The following HMCN1 variants were observed in gnomAD, a reference collection of about 807,000 sequenced individuals.
The protein encoded by HMCN1 is hemicentin 1.
In HMCN1, 321 loss-of-function variants were observed where a neutral mutation model predicts 625.9. The observed-to-expected ratio is 0.51, with a 90% CI of 0.47 to 0.56. The LOEUF (loss-of-function observed/expected upper bound fraction) is 0.56, where lower values mean the gene tolerates loss of function less well. HMCN1 is among the 20% of genes least tolerant of loss of function. The pLI, the probability that HMCN1 is intolerant of heterozygous loss-of-function variation, is 0.00. For missense variants in HMCN1, 6,588 were observed against 6,887.3 expected, an observed-to-expected ratio of 0.96 and a Z score of 1.54; for synonymous variants, 2,425 against 2,417.6, an observed-to-expected ratio of 1.00 and a Z score of -0.09.
chr1:185,986,826 C>CAA lies in HMCN1; in HGVS notation c.2936-589_2936-588dup, dbSNP rs1239432106. 1.3e-3 allele frequency among the ~76,000 whole-genome samples: 80 copies of CAA among 60,254 alleles called. 1 individual carries two copies. Among genetic ancestry groups the CAA allele is most frequent in the African/African-American group, 3.5e-3 (75 of 21,334 alleles). 39.5% of individuals were successfully genotyped at this position (60,254 alleles called of 152,430 possible). ...TGGGTAACACAGCAAGACCCTGTCTCAAAAAAAAAAAAAAAAAATTAATTA... is the reference window on the plus strand; with the variant it reads ...TGGGTAACACAGCAAGACCCTGTCTCAAAAAAAAAAAAAAAAAAAATTAATTA... On this transcript the variant is annotated intron_variant, in intron 19 of 106. Coordinates refer to ENST00000271588, the MANE Select transcript of HMCN1 (RefSeq NM_031935.3).
intron 6 of HMCN1, 38 bp from the exon 7 acceptor site, chr1:185,922,341 A>G: frequency 6.2e-7 from 1 of 1,611,636 alleles, no homozygotes; most frequent in Non-Finnish European, 8.5e-7. Flanking sequence ...AGCATACTGG[A>G]TCAACTGCTG....
At position 186,018,209 on chromosome 1, in the gene HMCN1, A is replaced by G. The variant is rs376847972; in HGVS notation, c.5327A>G (p.Asp1776Gly). Residue 1776 changes from aspartate (D) to glycine (G), a missense_variant, in exon 34 of 107, where the codon GAT becomes GGT. This residue lies in a region of HMCN1 where 4,628 missense variants were observed against 4,853.1 expected (regional missense o/e 0.95). Transcript: ENST00000271588. The part of the protein sequence containing the change: ...IMWLKDGQLI[D>G]ERDGFKILLN... Reference sequence around the variant, plus strand: ...TGGCTGAAGGATGGCCAGTTAATTGATGAAAGGGATGGATTCAAGATTTTA... The same window carrying G: ...TGGCTGAAGGATGGCCAGTTAATTGGTGAAAGGGATGGATTCAAGATTTTA... 49 of 1,612,670 alleles carry G rather than the reference A, an allele frequency of 3.0e-5. No individual in the cohort carries two copies. The highest frequency in any genetic ancestry group is 4.5e-5 in the East Asian group (2 of 44,846).
At chr1:185,807,473 A>G (rs1345152458) in intron 1 of HMCN1, among the ~76,000 whole-genome samples, 1 of 152,234 alleles carries the variant, frequency 6.6e-6, no homozygotes, top group Non-Finnish European at 1.5e-5. Context: ...ATACATATTC[A>G]CATATGGTTA....
At chr1:186,063,525 CTTCAA>C (rs1054010690) in intron 48 of HMCN1, among the ~76,000 whole-genome samples, 15 of 151,052 alleles carry the variant, frequency 9.9e-5, no homozygotes, top group Admixed American at 7.9e-4. Context: ...GAGTCTTTTC[CTTCAA>C]TTCAATAAAT....
At chr1:185,777,725 A>G (rs1656720236) in intron 1 of HMCN1, among the ~76,000 whole-genome samples, 1 of 152,174 alleles carries the variant, frequency 6.6e-6, no homozygotes, top group South Asian at 2.1e-4. Context: ...GATTACAGGC[A>G]TGAGCCACTG....
intron 1 of HMCN1, among the ~76,000 whole-genome samples, chr1:185,780,269 A>G (rs1203606302): frequency 2.6e-5 from 4 of 152,248 alleles, no homozygotes; most frequent in Admixed American, 6.5e-5. Context: ...GGGTTTTCTA[A>G]ATATACAATC....
At chr1:185,796,291 T>A (rs1247572603) in intron 1 of HMCN1, among the ~76,000 whole-genome samples, 3 of 152,054 alleles carry the variant, frequency 2.0e-5, no homozygotes, top group South Asian at 2.1e-4. Context: ...TGACAGGAGG[T>A]AATGCTGCTC....
At chr1:185,893,066 C>T (rs1037068555) in intron 4 of HMCN1, among the ~76,000 whole-genome samples, 4 of 152,184 alleles carry the variant, frequency 2.6e-5, no homozygotes, top group African/African-American at 7.2e-5. Context: ...GCAAGTGACC[C>T]GATTTTCCAG....
At chr1:185,757,847 C>T (rs781262568) in intron 1 of HMCN1, among the ~76,000 whole-genome samples, 39 of 152,090 alleles carry the variant, frequency 2.6e-4, no homozygotes, top group Non-Finnish European at 5.1e-4. Context: ...CTTGGAGTCC[C>T]CAGTGTATTT....
At chr1:186,153,590 A>G (rs2102580687) in intron 96 of HMCN1, among the ~76,000 whole-genome samples, 160 bp from the exon 97 acceptor site, 1 of 152,316 alleles carries the variant, frequency 6.6e-6, no homozygotes, top group East Asian at 1.9e-4. Context: ...TTAAATTAGG[A>G]TTAAAAGTTA....
intron 84 of HMCN1, 82 bp downstream of exon 84, chr1:186,130,182 A>C: frequency 8.3e-6 from 13 of 1,569,118 alleles, no homozygotes; most frequent in Non-Finnish European, 1.1e-5. Context: ...TTATGGTAAT[A>C]AAATATAACT....
intron 2 of HMCN1, among the ~76,000 whole-genome samples, chr1:185,857,069 T>A (rs1195491603): frequency 6.6e-6 from 1 of 152,238 alleles, no homozygotes; most frequent in East Asian, 1.9e-4. Flanking sequence ...CCTTGAATGA[T>A]AAGATTTCTA....
chr1:186,154,153 T>C (rs1264716403), intron 97 of HMCN1, among the ~76,000 whole-genome samples, 166 bp downstream of exon 97: 1 of 152,216 alleles, frequency 6.6e-6, no homozygotes, highest in African/African-American at 2.4e-5. Context: ...GCCAACCCAA[T>C]TGGAGTTCTA....
intron 1 of HMCN1, among the ~76,000 whole-genome samples, chr1:185,800,236 G>A (rs1658703309): frequency 6.6e-6 from 1 of 152,210 alleles, no homozygotes; most frequent in Non-Finnish European, 1.5e-5. Flanking sequence ...CAGCCAAGCA[G>A]GCTGCATTGC....
At chr1:186,188,601 G>C (rs1419593756) in intron 106 of HMCN1, among the ~76,000 whole-genome samples, 1 of 152,154 alleles carries the variant, frequency 6.6e-6, no homozygotes, top group Non-Finnish European at 1.5e-5. Context: ...CAAGTTAACA[G>C]GGTGATTGAA....
At chr1:186,032,301 T>C (rs964037270) in intron 36 of HMCN1, among the ~76,000 whole-genome samples, 9 of 151,544 alleles carry the variant, frequency 5.9e-5, no homozygotes, top group African/African-American at 2.2e-4. Context: ...ACCTAATATA[T>C]GAAAAAAAAA....
intron 1 of HMCN1, among the ~76,000 whole-genome samples, chr1:185,831,174 A>T (rs984536664): frequency 2.0e-5 from 3 of 152,168 alleles, no homozygotes; most frequent in African/African-American, 7.2e-5. Context: ...AATGTTGCCA[A>T]ACAATTTAGC....
At position 186,011,101 on chromosome 1, in the gene HMCN1, A is replaced by G. The variant is rs149343669; in HGVS notation, c.4630+3819A>G. 6.7e-3 allele frequency among the ~76,000 whole-genome samples: 1,020 copies of G among 152,112 alleles called. 20 individuals are homozygous for G. The highest frequency in any genetic ancestry group is 0.023 in the African/African-American group (969 of 41,472). Reference sequence around the variant, plus strand: ...CTCGCTGTCACCCAGGCTGGAGTGCAGTGGAGTGATCTCAGCTCACTGCAA... The same window carrying G: ...CTCGCTGTCACCCAGGCTGGAGTGCGGTGGAGTGATCTCAGCTCACTGCAA... On this transcript the variant is annotated intron_variant, in intron 30 of 106. Coordinates refer to ENST00000271588, the MANE Select transcript of HMCN1 (RefSeq NM_031935.3).
chr1:185,974,771 G>A (rs1377619842), intron 15 of HMCN1, among the ~76,000 whole-genome samples: 1 of 152,100 alleles, frequency 6.6e-6, no homozygotes, highest in Non-Finnish European at 1.5e-5. Context: ...GCCTTGTTTT[G>A]TGATACCAGT....
Sources: allele counts gnomAD v4.1 joint callset (sites outside exome capture counted in the v4.1 genomes callset), GRCh38; gene constraint gnomAD v4.1.1; regional missense constraint gnomAD v4.1.1; transcripts MANE v1.5; gene names NCBI Gene and HGNC (gene_info 2026-07-23, HGNC 2026-07-21).